The following RIPOR3 variants were observed in gnomAD, a reference collection of about 807,000 sequenced individuals.
The protein encoded by RIPOR3 is family with sequence similarity 65 member C.
RIPOR3 carries 95 observed loss-of-function variants against 114.3 expected under a neutral mutation model. The observed-to-expected ratio is 0.83, with a 90% CI of 0.70 to 0.99. The LOEUF (loss-of-function observed/expected upper bound fraction) is 0.99. RIPOR3 is among the 50% of genes least tolerant of loss of function. The pLI, the probability that RIPOR3 is intolerant of heterozygous loss-of-function variation, is 0.00. For synonymous variants in RIPOR3, 575 were observed against 543.8 expected, an observed-to-expected ratio of 1.06 and a Z score of -0.80; for missense variants, 1,252 against 1,266.9, an observed-to-expected ratio of 0.99 and a Z score of 0.18.
At chr20:50,599,722 A>G (rs1200413947) in intron 13 of RIPOR3, among the ~76,000 whole-genome samples, 1 of 152,126 alleles carries the variant, frequency 6.6e-6, no homozygotes, top group Admixed American at 6.6e-5. Flanking sequence ...GTGTGCTTTG[A>G]GCAGCTCAGA....
chr20:50,614,122 G>A (rs551643049), intron 4 of RIPOR3, among the ~76,000 whole-genome samples: 3 of 152,222 alleles, frequency 2.0e-5, no homozygotes, highest in Non-Finnish European at 2.9e-5. Flanking sequence ...TGCATCCTCC[G>A]CCTCCTGGGT....
At position 50,593,208 on chromosome 20, in the gene RIPOR3, G is replaced by A; in HGVS notation, c.2213-12C>T. The A allele has an allele frequency of 6.2e-6, 10 of 1,609,432 alleles. No homozygotes were observed. The highest frequency in any genetic ancestry group is 3.3e-5 in the South Asian group (3 of 91,010). The stretch of plus-strand genomic sequence containing the variant: ...GAGCCTGCGGCACGCTGGCCAAAGG[G>A]GAGAGTACATCAGGAGAAACTGAGA... On this transcript the variant is annotated splice_polypyrimidine_tract_variant and intron_variant, in intron 17 of 21. Coordinates refer to ENST00000327979, the MANE Select transcript of RIPOR3 (RefSeq NM_001290268.2).
Position 50,587,173 on chromosome 20 carries a change from C to G in RIPOR3, c.*59G>C. 1.5e-6 allele frequency: 2 copies of G among 1,347,844 alleles called. No homozygotes were observed. Among genetic ancestry groups the G allele is most frequent in the East Asian group, 4.6e-5 (2 of 43,290 alleles). The allele number at this position is 1,347,844 out of a possible 1,614,324, so 83.5% of individuals were successfully genotyped here. Reference sequence around the variant, plus strand: ...CCATTACCCAGAGTGCAGGCTATGTCCAGGCTGGGCAGCAGCAAAAAAAAC... The same window carrying G: ...CCATTACCCAGAGTGCAGGCTATGTGCAGGCTGGGCAGCAGCAAAAAAAAC... On this transcript the variant is annotated 3_prime_UTR_variant, in exon 22 of 22. Coordinates refer to ENST00000327979, the MANE Select transcript of RIPOR3 (RefSeq NM_001290268.2).
intron 1 of RIPOR3, chr20:50,636,763 A>C: frequency 1.0e-6 from 1 of 985,510 alleles, no homozygotes; most frequent in Non-Finnish European, 1.2e-6. Flanking sequence ...GAGGAAGCAG[A>C]GTCTACTCCC....
At chr20:50,616,515 G>A (rs6122952) in intron 3 of RIPOR3, among the ~76,000 whole-genome samples, 86,419 of 151,580 alleles carry the variant, frequency 0.57, 24,770 homozygotes, top group Admixed American at 0.67. Flanking sequence ...GCTGATTTTT[G>A]TATTTTTAGT....
At chr20:50,667,344 A>AGTGCAATG (rs2086286589) in intron 1 of RIPOR3, among the ~76,000 whole-genome samples, 1 of 123,552 alleles carries the variant, frequency 8.1e-6, no homozygotes, top group Admixed American at 1.1e-4. Flanking sequence ...CCCAGGCTGG[A>AGTGCAATG]GTGCAATGGC....
intron 1 of RIPOR3, among the ~76,000 whole-genome samples, chr20:50,667,053 T>C (rs2086272211): frequency 6.6e-6 from 1 of 152,156 alleles, no homozygotes; most frequent in South Asian, 2.1e-4. Context: ...CTGAATGCCT[T>C]GTCCTTAGCT....
At chr20:50,669,613 G>A (rs747527061) in intron 1 of RIPOR3, among the ~76,000 whole-genome samples, 5 of 152,178 alleles carry the variant, frequency 3.3e-5, no homozygotes, top group Non-Finnish European at 7.3e-5. Flanking sequence ...TGGGAGGAAA[G>A]TGCTCTGAGA....
intron 1 of RIPOR3, among the ~76,000 whole-genome samples, chr20:50,658,225 A>T (rs1235130725): frequency 1.3e-5 from 2 of 152,246 alleles, no homozygotes; most frequent in African/African-American, 2.4e-5. Context: ...ATGGATAAAC[A>T]AAATGTGGTG....
chr20:50,625,517 G>A (rs2084587909), intron 2 of RIPOR3, among the ~76,000 whole-genome samples: 1 of 152,192 alleles, frequency 6.6e-6, no homozygotes, highest in Admixed American at 6.5e-5. Context: ...TTCACAGGCA[G>A]GGCTGGATAT....
chr20:50,670,611 G>A (rs1420071517), intron 1 of RIPOR3, among the ~76,000 whole-genome samples: 3 of 152,120 alleles, frequency 2.0e-5, no homozygotes, highest in South Asian at 2.1e-4. Flanking sequence ...ATGGATATCC[G>A]TCACCAGCGG....
chr20:50,609,555 C>A lies in RIPOR3; in HGVS notation c.576+18G>T. 7.0e-7 allele frequency: 1 copy of A among 1,427,682 alleles called. No homozygotes were observed. The highest frequency in any genetic ancestry group is 2.6e-5 in the East Asian group (1 of 38,846). 88.4% of individuals were successfully genotyped at this position (1,427,682 alleles called of 1,614,324 possible). A position where few individuals can be genotyped will look rare whatever the true frequency, so the allele number is the denominator to read the frequency against. On this transcript the variant is annotated intron_variant, in intron 7 of 21. Transcript: ENST00000327979. ...CTCTTGCTGCCCCTGCTGCCCAGCC[C>A]AGCTTGGCCCGGCCCACCTCGGCGC... is the stretch of plus-strand genomic sequence containing the variant.
At chr20:50,608,249 G>T in intron 11 of RIPOR3, 140 bp downstream of exon 11, 1 of 1,169,944 alleles carries the variant, frequency 8.5e-7, no homozygotes, top group Non-Finnish European at 1.2e-6. Context: ...TGAGGGGTGG[G>T]AGTGAGGGAC....
chr20:50,587,964 C>G lies in RIPOR3; in HGVS notation c.2662-72G>C. 13 of 1,423,224 alleles carry G rather than the reference C, an allele frequency of 9.1e-6. 1 individual carries two copies. The South Asian group carries it at 1.5e-4, about 17-fold the overall frequency. 88.2% of individuals were successfully genotyped at this position (1,423,224 alleles called of 1,614,324 possible). A position where few individuals can be genotyped will look rare whatever the true frequency, so the allele number is the denominator to read the frequency against. ...CAGCAGGTAGAGTCCACTTAGTGGC[C>G]CTGCAGGGCCAGTCCTAGCATGGTC... On this transcript the variant is annotated intron_variant, in intron 20 of 21. Transcript: ENST00000327979.
chr20:50,658,980 C>A (rs928980980), intron 1 of RIPOR3, among the ~76,000 whole-genome samples: 1 of 152,140 alleles, frequency 6.6e-6, no homozygotes, highest in African/African-American at 2.4e-5. Context: ...CAGTGCCAAA[C>A]GGAACTGTTG....
chr20:50,594,540 G>A lies in RIPOR3; in HGVS notation c.2212+13C>T. ...TTCTGTGGGAGGGGACGACAGGACA[G>A]AAGGGAACCCACCTATTTCCAGCTG... On this transcript the variant is annotated intron_variant, in intron 17 of 21. Coordinates refer to ENST00000327979, the MANE Select transcript of RIPOR3 (RefSeq NM_001290268.2). 6.2e-7 allele frequency: 1 copy of A among 1,610,802 alleles called. No homozygotes were observed. The highest frequency in any genetic ancestry group is 8.5e-7 in the Non-Finnish European group (1 of 1,177,524).
At chr20:50,595,613 C>A in intron 15 of RIPOR3, 109 bp from the exon 16 acceptor site, 1 of 1,445,336 alleles carries the variant, frequency 6.9e-7, no homozygotes, top group African/African-American at 1.4e-5. Context: ...GTCCCGGGGG[C>A]AGCTCCCTGA....
intron 1 of RIPOR3, among the ~76,000 whole-genome samples, chr20:50,680,016 C>T (rs1192202582): frequency 6.6e-6 from 1 of 152,170 alleles, no homozygotes; most frequent in Non-Finnish European, 1.5e-5. Flanking sequence ...AGGGCCAGAT[C>T]CATGCTTGGT....
chr20:50,602,200 C>A lies in RIPOR3; in HGVS notation c.1531G>T (p.Asp511Tyr). The change falls in exon 13 of 22, where the codon GAC becomes TAC. Residue 511 changes from aspartate (D) to tyrosine (Y), a missense_variant. Asp to Tyr is a radical substitution (Grantham distance 160). Coordinates refer to ENST00000327979, the MANE Select transcript of RIPOR3 (RefSeq NM_001290268.2). This position sits in a 1 kb window ranked among gnomAD's most constrained non-coding sequence, Gnocchi z 4.3. ...HEEGATGDREDGPGVALEGPL... is the reference protein window; with the variant it reads ...HEEGATGDREYGPGVALEGPL... ...CCCTCGAGGGCCACGCCAGGCCCGT[C>A]CTCTCTGTCCCCGGTTGCCCCTTCC... 6 of 1,613,700 alleles carry A rather than the reference C, an allele frequency of 3.7e-6. No homozygotes were observed. The highest frequency in any genetic ancestry group is 5.1e-6 in the Non-Finnish European group (6 of 1,179,932).
Sources: gnomAD v4.1 joint callset for allele counts (sites outside exome capture counted in the v4.1 genomes callset) on GRCh38, gnomAD v4.1.1 for gene constraint, Gnocchi (gnomAD v3.1) non-coding constraint, MANE v1.5 for transcripts, NCBI Gene and HGNC (gene_info 2026-07-23, HGNC 2026-07-21) for gene names.